LRRC4B: variants seen among roughly 807,000 people sequenced by gnomAD.
LRRC4B encodes the protein leucine rich repeat containing 4B.
In LRRC4B, 1 loss-of-function variant was observed where a neutral mutation model predicts 7.3. The ratio of observed to expected loss-of-function variants is 0.14; its 90% CI spans 0.05 to 0.65. The LOEUF (loss-of-function observed/expected upper bound fraction) is 0.65, where lower values mean the gene tolerates loss of function less well. LRRC4B is among the 30% of genes least tolerant of loss of function. The pLI is 0.84. For synonymous variants in LRRC4B, 500 were observed against 499.2 expected, an observed-to-expected ratio of 1.00 and a Z score of -0.02; for missense variants, 730 against 1,041.6, an observed-to-expected ratio of 0.70 and a Z score of 4.12.
chr19:50,559,718 A>G (rs563989623), intron 1 of LRRC4B, among the ~76,000 whole-genome samples: 2 of 152,388 alleles, frequency 1.3e-5, no homozygotes, highest in Admixed American at 6.5e-5. Flanking sequence ...AGGGTTGTGC[A>G]TAGTTATTTT....
At chr19:50,564,638 T>C (rs1982568969) in intron 1 of LRRC4B, among the ~76,000 whole-genome samples, 1 of 147,556 alleles carries the variant, frequency 6.8e-6, no homozygotes, top group Non-Finnish European at 1.5e-5. Flanking sequence ...TGAGGGGAGA[T>C]GGAGAGGCGA....
intron 2 of LRRC4B, among the ~76,000 whole-genome samples, chr19:50,541,691 A>G (rs542085090): frequency 2.0e-5 from 3 of 152,316 alleles, no homozygotes; most frequent in African/African-American, 7.2e-5. Context: ...AGGGACCCAG[A>G]GCCGCCCGCT....
rs1982180485 is a variant in LRRC4B, at chr19:50,553,797, A to G, written c.-35-4924T>C. Among the ~76,000 whole-genome samples the G allele has an allele frequency of 1.3e-5, 2 of 152,082 alleles. No individual in the cohort carries two copies. Among genetic ancestry groups the G allele is most frequent in the Admixed American group, 6.6e-5 (1 of 15,266 alleles). On this transcript the variant is annotated intron_variant, in intron 1 of 2. Transcript: ENST00000652263. This position sits in a 1 kb window ranked among gnomAD's most constrained non-coding sequence, Gnocchi z 4.2. Reference sequence around the variant, plus strand: ...CAGTTGCTCACCAAACACTGGGTGCAGGGACGGATGGGTACGTTATCATCA... The same window carrying G: ...CAGTTGCTCACCAAACACTGGGTGCGGGGACGGATGGGTACGTTATCATCA...
At chr19:50,523,828 A>G (rs1980687554) in intron 2 of LRRC4B, among the ~76,000 whole-genome samples, 1 of 150,886 alleles carries the variant, frequency 6.6e-6, no homozygotes, top group African/African-American at 2.4e-5. Flanking sequence ...GCATGGTGGC[A>G]GGTGCCTGTA....
chr19:50,564,718 G>A (rs145182126), intron 1 of LRRC4B, among the ~76,000 whole-genome samples: 3 of 152,148 alleles, frequency 2.0e-5, no homozygotes, highest in Non-Finnish European at 4.4e-5. Flanking sequence ...AGAGTGGGGT[G>A]AGAAGGGATG....
intron 2 of LRRC4B, among the ~76,000 whole-genome samples, chr19:50,520,203 C>CAAAAAAAAAAAAAAAAAAAAAA (rs1173919963): frequency 2.1e-4 from 2 of 9,376 alleles, no homozygotes; most frequent in Non-Finnish European, 3.8e-4. Context: ...AATACCCTGT[C>CAAAAAAAAAAAAAAAAAAAAAA]AAAAAAAAAA....
At chr19:50,525,074 C>A (rs1164539054) in intron 2 of LRRC4B, among the ~76,000 whole-genome samples, 2 of 152,222 alleles carry the variant, frequency 1.3e-5, no homozygotes, top group Non-Finnish European at 2.9e-5. Flanking sequence ...ACCCACCCAT[C>A]GCCGTTCCCC....
At chr19:50,545,987 G>A (rs533748204) in intron 2 of LRRC4B, among the ~76,000 whole-genome samples, 1 of 151,862 alleles carries the variant, frequency 6.6e-6, no homozygotes, top group Admixed American at 6.5e-5. Flanking sequence ...GTCTCCCAAA[G>A]TGCTGGGATT....
chr19:50,536,234 A>C (rs567969587), intron 2 of LRRC4B, among the ~76,000 whole-genome samples: 3 of 152,174 alleles, frequency 2.0e-5, no homozygotes, highest in African/African-American at 7.2e-5. Flanking sequence ...CCCAGGTTCA[A>C]GCGATTCTCC....
At chr19:50,566,871 G>A (rs1982645886) in intron 1 of LRRC4B, among the ~76,000 whole-genome samples, 1 of 148,182 alleles carries the variant, frequency 6.7e-6, no homozygotes, top group Non-Finnish European at 1.5e-5. Flanking sequence ...GGGCTAAGGA[G>A]AAGGCGACTG....
intron 2 of LRRC4B, among the ~76,000 whole-genome samples, chr19:50,525,467 G>A (rs920646301): frequency 2.7e-5 from 4 of 150,226 alleles, no homozygotes; most frequent in East Asian, 3.9e-4. Context: ...GTGCAATGGC[G>A]TAATCTTGGC....
chr19:50,566,719 T>C (rs1381775412), intron 1 of LRRC4B, among the ~76,000 whole-genome samples: 1 of 138,018 alleles, frequency 7.2e-6, no homozygotes, highest in Non-Finnish European at 1.6e-5. Flanking sequence ...GGATTGATGG[T>C]GAGTTGGAAG....
chr19:50,541,950 A>C (rs1245660099), intron 2 of LRRC4B, among the ~76,000 whole-genome samples: 4 of 152,210 alleles, frequency 2.6e-5, no homozygotes, highest in African/African-American at 9.6e-5. Flanking sequence ...ACAGCAGCAG[A>C]GTGGACACAC....
intron 1 of LRRC4B, among the ~76,000 whole-genome samples, chr19:50,561,150 C>G (rs1306554526): frequency 6.6e-6 from 1 of 152,086 alleles, no homozygotes; most frequent in Non-Finnish European, 1.5e-5. Flanking sequence ...TTTTCCCATT[C>G]CATGACTCAG....
intron 2 of LRRC4B, among the ~76,000 whole-genome samples, chr19:50,545,137 G>T (rs1313148938): frequency 6.6e-6 from 1 of 150,970 alleles, no homozygotes; most frequent in African/African-American, 2.4e-5. Context: ...GTCAGGCTTG[G>T]TGGCTCACGC....
chr19:50,538,156 G>A (rs1468458579), intron 2 of LRRC4B, among the ~76,000 whole-genome samples: 3 of 151,814 alleles, frequency 2.0e-5, no homozygotes, highest in Admixed American at 6.6e-5. Context: ...CTCTGCCTCC[G>A]GGTTCAAGTG....
chr19:50,539,458 A>G (rs10411840), intron 2 of LRRC4B, among the ~76,000 whole-genome samples: 98,323 of 152,086 alleles, frequency 0.65, 33,467 homozygotes, highest in African/African-American at 0.84. Context: ...CCTGCTCCAG[A>G]TAAATGCTTT....
chr19:50,530,392 C>T (rs1439127459), intron 2 of LRRC4B, among the ~76,000 whole-genome samples: 1 of 152,212 alleles, frequency 6.6e-6, no homozygotes, highest in African/African-American at 2.4e-5. Flanking sequence ...CAGGATCAGT[C>T]CTTGGACCCT....
intron 2 of LRRC4B, among the ~76,000 whole-genome samples, chr19:50,521,148 G>C (rs1461464042): frequency 6.6e-6 from 1 of 152,170 alleles, no homozygotes; most frequent in African/African-American, 2.4e-5. Flanking sequence ...CCCTCTGGAT[G>C]AATCTCTAGG....
Sources: gnomAD v4.1 joint callset for allele counts (sites outside exome capture counted in the v4.1 genomes callset) on GRCh38, gnomAD v4.1.1 for gene constraint, Gnocchi (gnomAD v3.1) non-coding constraint, MANE v1.5 for transcripts, NCBI Gene and HGNC (gene_info 2026-07-23, HGNC 2026-07-21) for gene names.